RBP3: variants seen among roughly 807,000 people sequenced by gnomAD.
The protein encoded by RBP3 is retinol binding protein 3, also known as retinol-binding protein 3.
RBP3 carries 50 observed loss-of-function variants against 64.8 expected under a neutral mutation model. The ratio of observed to expected loss-of-function variants is 0.77; its 90% CI spans 0.61 to 0.98. The LOEUF is 0.98. RBP3 is among the 50% of genes least tolerant of loss of function. The pLI is 0.00. For missense variants in RBP3, 1,712 were observed against 1,660.5 expected, an observed-to-expected ratio of 1.03 and a Z score of -0.54; for synonymous variants, 828 against 730.2, an observed-to-expected ratio of 1.13 and a Z score of -2.16.
At chr10:47,355,662 C>A in intron 3 of RBP3, 144 bp downstream of exon 3, 1 of 1,056,810 alleles carries the variant, frequency 9.5e-7, no homozygotes, top group Non-Finnish European at 1.4e-6. Context: ...TGCATGATCT[C>A]GAATCCCTGA....
In RBP3 at chr10:47,357,406, G is replaced by C. The variant is rs1555212082; in HGVS notation, c.3693G>C (p.Gln1231His). The change falls in exon 4 of 4, where the codon CAG becomes CAC. Residue 1231 changes from glutamine (Q) to histidine (H), a missense_variant. Transcript: ENST00000584701. Reference protein sequence around the residue: ...EALARAKEMLQHNQLRVKRSP... With the variant: ...EALARAKEMLHHNQLRVKRSP... ...TCGCCAGGGCCAAGGAGATGCTCCA[G>C]CACAACCAGCTGAGGGTGAAGCGGA... 1 of 1,614,018 alleles carries C rather than the reference G, an allele frequency of 6.2e-7. No individual in the cohort carries two copies.
Position 47,349,357 on chromosome 10 carries a change from A to G in RBP3, c.873A>G (p.Gly291=), listed in dbSNP as rs1555211068. The change falls in exon 1 of 4, where the codon GGA becomes GGG. Residue 291 remains glycine (G), a synonymous_variant. Coordinates refer to ENST00000584701, the MANE Select transcript of RBP3 (RefSeq NM_002900.3). ...PVSRSLGPLG[G]GSQTWEGSGV... is the part of the protein sequence containing the mutation. ...CCAGGTCCCTGGGGCCCCTTGGTGG[A>G]GGCAGCCAGACGTGGGAGGGCAGCG... 1.2e-6 allele frequency: 2 copies of G among 1,612,320 alleles called. No homozygotes were observed. The highest frequency in any genetic ancestry group is 2.2e-5 in the South Asian group (2 of 91,074).
Position 47,350,374 on chromosome 10 carries a change from G to A in RBP3, c.1890G>A (p.Leu630=), listed in dbSNP as rs888192041. ...EEALDKAQEV[L]EFHQSLGALV... ...CCCTGGACAAAGCCCAGGAAGTGCT[G>A]GAGTTCCACCAAAGCCTGGGGGCCT... The change falls in exon 1 of 4, where the codon CTG becomes CTA. Residue 630 remains leucine, a synonymous_variant. Transcript: ENST00000584701. 1.9e-6 allele frequency: 3 copies of A among 1,612,516 alleles called. No homozygotes were observed. The highest frequency in any genetic ancestry group is 2.5e-6 in the Non-Finnish European group (3 of 1,179,946).
chr10:47,349,092 C>T lies in RBP3; in HGVS notation c.608C>T (p.Pro203Leu), dbSNP rs1555210975. ...ILHVDTIYNR[P>L]SNTTTEIWTL... ...CACGTGGACACTATCTACAACCGCC[C>T]CTCCAACACCACCACGGAGATCTGG... The change falls in exon 1 of 4, where the codon CCC becomes CTC. Residue 203 changes from proline to leucine, a missense_variant. Coordinates refer to ENST00000584701, the MANE Select transcript of RBP3 (RefSeq NM_002900.3). 6.2e-7 allele frequency: 1 copy of T among 1,614,066 alleles called. No homozygotes were observed. The highest frequency in any genetic ancestry group is 8.5e-7 in the Non-Finnish European group (1 of 1,180,040).
At chr10:47,354,310 G>A (rs917265229) in intron 2 of RBP3, among the ~76,000 whole-genome samples, 2 of 152,108 alleles carry the variant, frequency 1.3e-5, no homozygotes, top group South Asian at 2.1e-4. Context: ...TTCCTCAGAC[G>A]GGACCCTTCC....
Position 47,350,581 on chromosome 10 carries a change from G to T in RBP3, c.2097G>T (p.Leu699Phe). 3 of 1,613,016 alleles carry T rather than the reference G, an allele frequency of 1.9e-6. No individual in the cohort carries two copies. Among genetic ancestry groups the T allele is most frequent in the Non-Finnish European group, 2.5e-6 (3 of 1,180,022 alleles). Residue 699 changes from leucine to phenylalanine, a missense_variant, in exon 1 of 4, where the codon TTG becomes TTT. By Grantham distance (22) the Leu-to-Phe change is conservative. Coordinates refer to ENST00000584701, the MANE Select transcript of RBP3 (RefSeq NM_002900.3). ...DLQEVSGDHR[L>F]LVFHSPGELV... ...AGGAGGTGTCTGGGGACCACCGCTT[G>T]CTAGTGTTCCACAGCCCTGGCGAGC...
chr10:47,353,563 A>G, intron 2 of RBP3, 48 bp downstream of exon 2: 1 of 1,604,168 alleles, frequency 6.2e-7, no homozygotes, highest in Middle Eastern at 1.9e-4. Flanking sequence ...CAGGGCTGCC[A>G]GGGGACAGTC....
In RBP3 at chr10:47,357,478, G is replaced by T. The variant is rs781820120; in HGVS notation, c.*21G>T. On this transcript the variant is annotated 3_prime_UTR_variant, in exon 4 of 4. Coordinates refer to ENST00000584701, the MANE Select transcript of RBP3 (RefSeq NM_002900.3). ...TGTAGGGAAGGGCCCCATAGGCAGA[G>T]CCCCAGGGCAGACAGAACCTCTGGG... 1.7e-5 allele frequency: 27 copies of T among 1,585,102 alleles called. No individual in the cohort carries two copies. Among genetic ancestry groups the T allele is most frequent in the Non-Finnish European group, 2.1e-5 (25 of 1,165,098 alleles).
Position 47,357,256 on chromosome 10 carries a change from C to T in RBP3, c.3543C>T (p.Tyr1181=). ...GGGGCTGCCAGCCACCACAGACCTA[C>T]CACGTGGATGACACCAACCTCTACC... ...TSGGCQPPQT[Y]HVDDTNLYLT... Residue 1181 remains tyrosine (Y), a synonymous_variant, in exon 4 of 4, where the codon TAC becomes TAT. Coordinates refer to ENST00000584701, the MANE Select transcript of RBP3 (RefSeq NM_002900.3). The T allele has an allele frequency of 1.9e-6, 3 of 1,614,126 alleles. No individual in the cohort carries two copies. The highest frequency in any genetic ancestry group is 2.5e-6 in the Non-Finnish European group (3 of 1,180,032).
chr10:47,350,073 G>A lies in RBP3; in HGVS notation c.1589G>A (p.Arg530His), dbSNP rs1354470616. 8 of 1,612,900 alleles carry A rather than the reference G, an allele frequency of 5.0e-6. No homozygotes were observed. The South Asian group carries it at 5.5e-5, about 11-fold the overall frequency. Residue 530 changes from arginine (R) to histidine (H), a missense_variant, in exon 1 of 4, where the codon CGC (arginine) becomes CAC (histidine). Coordinates refer to ENST00000584701, the MANE Select transcript of RBP3 (RefSeq NM_002900.3). The stretch of plus-strand genomic sequence containing the variant: ...AGCCACATGGAGCTCCCGGGCCCAC[G>A]CTACAGCACCCAACGTGGGGTGTAT... The part of the protein sequence containing the change: ...HFSHMELPGP[R>H]YSTQRGVYLL...
intron 3 of RBP3, among the ~76,000 whole-genome samples, chr10:47,356,634 T>C (rs1412893327): frequency 1.3e-5 from 2 of 152,260 alleles, no homozygotes; most frequent in South Asian, 2.1e-4. Flanking sequence ...TTGCTTAACA[T>C]GGCTACTAGG....
chr10:47,348,589 CT>C lies in RBP3; in HGVS notation c.107del (p.Leu36TrpfsTer27). ...SLVLDMAKVL[L>X]DNYCFPENLL... Reference sequence around the variant, plus strand: ...TGGTGCTGGACATGGCCAAGGTCCTCTTGGATAACTACTGCTTCCCGGAGAA... The same window carrying C: ...TGGTGCTGGACATGGCCAAGGTCCTCTGGATAACTACTGCTTCCCGGAGAA... On this transcript the variant is annotated frameshift_variant, in exon 1 of 4. Coordinates refer to ENST00000584701, the MANE Select transcript of RBP3 (RefSeq NM_002900.3). LOFTEE classifies it high-confidence loss of function. 6.2e-7 allele frequency: 1 copy of C among 1,613,426 alleles called. No homozygotes were observed. The highest frequency in any genetic ancestry group is 1.7e-5 in the Admixed American group (1 of 60,028).
rs1836929984 is a variant in RBP3 at position 47,349,864 on chromosome 10, C to T, written c.1380C>T (p.Val460=). Residue 460 remains valine, a synonymous_variant, in exon 1 of 4, where the codon GTC becomes GTT. Coordinates refer to ENST00000584701, the MANE Select transcript of RBP3 (RefSeq NM_002900.3). ...ASVLGVLAPY[V]LRQVWEPLQD... ...TCCTGGGTGTGTTGGCCCCATATGT[C>T]CTGCGCCAGGTGTGGGAGCCGCTAC... The T allele has an allele frequency of 6.2e-7, 1 of 1,613,172 alleles. No individual in the cohort carries two copies. The highest frequency in any genetic ancestry group is 1.1e-5 in the South Asian group (1 of 91,074).
At position 47,357,285 on chromosome 10, in the gene RBP3, C is replaced by G; in HGVS notation, c.3572C>G (p.Thr1191Ser). Residue 1191 changes from threonine (T) to serine (S), a missense_variant, in exon 4 of 4, where the codon ACT becomes AGT. Coordinates refer to ENST00000584701, the MANE Select transcript of RBP3 (RefSeq NM_002900.3). ...GTGGATGACACCAACCTCTACCTCA[C>G]TATCCCCACGGCCCGTTCTGTGGGG... ...YHVDDTNLYL[T>S]IPTARSVGAS... 1 of 1,614,216 alleles carries G rather than the reference C, an allele frequency of 6.2e-7. No homozygotes were observed. Among genetic ancestry groups the G allele is most frequent in the South Asian group, 1.1e-5 (1 of 91,092 alleles).
In RBP3 at chr10:47,357,451, C is replaced by T. The variant is rs2132259394; in HGVS notation, c.3738C>T (p.His1246=). The change falls in exon 4 of 4, where the codon CAC becomes CAT. Residue 1246 remains histidine, a synonymous_variant. Coordinates refer to ENST00000584701, the MANE Select transcript of RBP3 (RefSeq NM_002900.3). The part of the protein sequence containing the change: ...RVKRSPGLQD[H]L The stretch of plus-strand genomic sequence containing the variant: ...AGCGGAGCCCAGGCCTGCAGGACCA[C>T]CTGTAGGGAAGGGCCCCATAGGCAG... 1.2e-6 allele frequency: 2 copies of T among 1,609,624 alleles called. No homozygotes were observed. Among genetic ancestry groups the T allele is most frequent in the East Asian group, 4.5e-5 (2 of 44,600 alleles).
chr10:47,355,791 T>G (rs1245434010), intron 3 of RBP3, among the ~76,000 whole-genome samples: 8 of 152,172 alleles, frequency 5.3e-5, no homozygotes, highest in African/African-American at 1.9e-4. Context: ...AATATTAGTT[T>G]GTCTAATACC....
chr10:47,350,845 C>A lies in RBP3; in HGVS notation c.2361C>A (p.Gly787=), dbSNP rs782380869. 13 of 1,612,950 alleles carry A rather than the reference C, an allele frequency of 8.1e-6. No individual in the cohort carries two copies. Among genetic ancestry groups the A allele is most frequent in the Non-Finnish European group, 1.0e-5 (12 of 1,180,034 alleles). Residue 787 remains glycine, a synonymous_variant, in exon 1 of 4, where the codon GGC becomes GGA. Transcript: ENST00000584701. Reference sequence around the variant, plus strand: ...TGATCGACCTGCGCTACAACCCTGGCAGCTACTCCACGGCCATCCCGCTGC... The same window carrying A: ...TGATCGACCTGCGCTACAACCCTGGAAGCTACTCCACGGCCATCCCGCTGC... ...ALVIDLRYNP[G]SYSTAIPLLC... is the part of the protein sequence containing the mutation.
intron 3 of RBP3, 109 bp from the exon 4 acceptor site, chr10:47,356,993 C>T (rs1837054793): frequency 1.0e-6 from 1 of 991,186 alleles, no homozygotes; most frequent in Admixed American, 2.1e-5. Flanking sequence ...AGGACACAGA[C>T]CTAAACCCCC....
At position 47,357,154 on chromosome 10, in the gene RBP3, G is replaced by A. The variant is rs376028670; in HGVS notation, c.3441G>A (p.Thr1147=). The part of the protein sequence containing the change: ...KSMVILTSSV[T]AGTAEEFTYI... ...TGGTCATTCTGACCAGCAGTGTGAC[G>A]GCCGGCACCGCGGAGGAGTTCACCT... Residue 1147 remains threonine, a synonymous_variant, in exon 4 of 4, where the codon ACG becomes ACA. Coordinates refer to ENST00000584701, the MANE Select transcript of RBP3 (RefSeq NM_002900.3). The A allele has an allele frequency of 6.8e-5, 110 of 1,613,272 alleles. No homozygotes were observed. The highest frequency in any genetic ancestry group is 8.8e-5 in the Non-Finnish European group (104 of 1,179,940).
Sources: allele counts gnomAD v4.1 joint callset (sites outside exome capture counted in the v4.1 genomes callset), GRCh38; gene constraint gnomAD v4.1.1; transcripts MANE v1.5; gene names NCBI Gene and HGNC (gene_info 2026-07-23, HGNC 2026-07-21).